The following RAD17 variants were observed in gnomAD, a reference collection of about 807,000 sequenced individuals.
RAD17 encodes cell cycle checkpoint protein RAD17.
A neutral mutation model predicts 81.5 loss-of-function variants in RAD17; 31 were observed. That is an observed-to-expected ratio of 0.38 (90% confidence interval 0.29 to 0.51). The LOEUF (loss-of-function observed/expected upper bound fraction) is 0.51. Ranked by LOEUF, RAD17 falls within the 20% of genes least tolerant of loss-of-function variation. The pLI is 0.88. For synonymous variants in RAD17, 261 were observed against 266.2 expected (o/e 0.98, Z 0.19); for missense variants, 681 against 781.2 (o/e 0.87, Z 1.53).
chr5:69,389,453 T>G (rs1764411056), intron 12 of RAD17, among the ~76,000 whole-genome samples: 1 of 152,200 alleles, frequency 6.6e-6, no homozygotes, highest in African/African-American at 2.4e-5. Flanking sequence ...CAGGTGACTC[T>G]TATCTTTCTG....
rs148833478 is a variant in RAD17 at position 69,380,055 on chromosome 5, ATTT to A, written c.352-1843_352-1841del. On this transcript the variant is annotated intron_variant, in intron 6 of 18. Coordinates refer to ENST00000354868, the MANE Select transcript of RAD17 (RefSeq NM_133338.3). ...ACCACCACGCCCGGGTAGTTCTTGT[ATTT>A]TTAGTAGAGATGGGGTTTCTCCATG... Among the ~76,000 whole-genome samples, 943 of 151,820 alleles carry A rather than the reference ATTT, an allele frequency of 6.2e-3. 7 individuals are homozygous for A. The highest frequency in any genetic ancestry group is 0.022 in the African/African-American group (892 of 41,364).
At chr5:69,385,726 T>C (rs1764170637) in intron 8 of RAD17, among the ~76,000 whole-genome samples, 1 of 152,202 alleles carries the variant, frequency 6.6e-6, no homozygotes, top group Non-Finnish European at 1.5e-5. Context: ...TAAACTTGAA[T>C]GGAATAGCTG....
intron 12 of RAD17, 117 bp from the exon 13 acceptor site, chr5:69,391,710 TTTTG>T (rs1304006653): frequency 5.1e-6 from 4 of 779,020 alleles, no homozygotes; most frequent in Non-Finnish European, 5.6e-6. Context: ...CATTTATAAT[TTTTG>T]TTTATTAGGA....
In RAD17 at chr5:69,372,166, GC is replaced by G. The variant is rs1561231498; in HGVS notation, c.-41del. ...ACTCTCAAAAATATAGAGGAAAGGGGCCAAGATTATAGTACCAGTCACAATC... is the reference window on the plus strand; with the variant it reads ...ACTCTCAAAAATATAGAGGAAAGGGGCAAGATTATAGTACCAGTCACAATC... On this transcript the variant is annotated 5_prime_UTR_variant, in exon 4 of 19. Coordinates refer to ENST00000354868, the MANE Select transcript of RAD17 (RefSeq NM_133338.3). The G allele has an allele frequency of 6.3e-7, 1 of 1,599,778 alleles. No homozygotes were observed. Among genetic ancestry groups the G allele is most frequent in the Non-Finnish European group, 8.5e-7 (1 of 1,170,932 alleles).
chr5:69,378,300 A>G (rs928018970), intron 6 of RAD17, among the ~76,000 whole-genome samples: 5 of 152,206 alleles, frequency 3.3e-5, no homozygotes, highest in Admixed American at 3.3e-4. Flanking sequence ...AAATTCAGTA[A>G]AACTCTGTTA....
chr5:69,414,670 CTG>C lies in RAD17; in HGVS notation c.*383_*384del, dbSNP rs1156615233. 1.6e-5 allele frequency: 4 copies of C among 246,856 alleles called. No individual in the cohort carries two copies. Among genetic ancestry groups the C allele is most frequent in the South Asian group, 6.8e-5 (1 of 14,680 alleles). The allele number at this position is 246,856 out of a possible 1,614,324, so 15.3% of individuals were successfully genotyped here. A position where few individuals can be genotyped will look rare whatever the true frequency, so the allele number is the denominator to read the frequency against. ...TTTAGGATGCAATTACGAGTGTAAA[CTG>C]TGTGCCTTATTTACACTTTATTGTC... On this transcript the variant is annotated 3_prime_UTR_variant, in exon 19 of 19. Coordinates refer to ENST00000354868, the MANE Select transcript of RAD17 (RefSeq NM_133338.3).
intron 17 of RAD17, among the ~76,000 whole-genome samples, chr5:69,400,625 T>TG (rs1339192144): frequency 2.5e-5 from 1 of 39,586 alleles, no homozygotes; most frequent in Non-Finnish European, 1.2e-4. Context: ...GGATCCTTTA[T>TG]GTTTTTTTTT....
At chr5:69,377,959 AT>A (rs1200904539) in intron 6 of RAD17, among the ~76,000 whole-genome samples, 1 of 151,678 alleles carries the variant, frequency 6.6e-6, no homozygotes, top group Non-Finnish European at 1.5e-5. Flanking sequence ...CATCTGGCTA[AT>A]TAAAAAAAAA....
Position 69,391,885 on chromosome 5 carries a change from T to C in RAD17, c.1061T>C (p.Val354Ala). Reference protein sequence around the residue: ...KKGMSLKSDAVLSKSKRRKKP... With the variant: ...KKGMSLKSDAALSKSKRRKKP... ...GGAATGTCTTTAAAATCAGATGCTG[T>C]GCTGTCAAAATCAAAACGAAGAAAA... Residue 354 changes from valine to alanine, a missense_variant, in exon 13 of 19, where the codon GTG (valine) becomes GCG (alanine). By Grantham distance (64) the Val-to-Ala change is moderately conservative. Coordinates refer to ENST00000354868, the MANE Select transcript of RAD17 (RefSeq NM_133338.3). 1 of 1,595,190 alleles carries C rather than the reference T, an allele frequency of 6.3e-7. No homozygotes were observed. The highest frequency in any genetic ancestry group is 8.5e-7 in the Non-Finnish European group (1 of 1,174,136).
intron 17 of RAD17, among the ~76,000 whole-genome samples, chr5:69,403,025 G>C (rs1020397257): frequency 1.3e-5 from 2 of 152,116 alleles, no homozygotes; most frequent in Non-Finnish European, 2.9e-5. Flanking sequence ...AATTAATAGA[G>C]ATGGGATCTC....
Position 69,410,530 on chromosome 5 carries a change from T to C in RAD17, c.1731T>C (p.Pro577=), listed in dbSNP as rs1467846625. The change falls in exon 18 of 19, where the codon CCT becomes CCC. Residue 577 remains proline, a synonymous_variant. Coordinates refer to ENST00000354868, the MANE Select transcript of RAD17 (RefSeq NM_133338.3). ...TTATCCAAGATATTGGAAGGCTCCC[T>C]CTGAAGCGACACTTTGGAAGGTAAG... ...ISFIQDIGRL[P]LKRHFGRLKM... 1.2e-6 allele frequency: 2 copies of C among 1,613,318 alleles called. No individual in the cohort carries two copies. Among genetic ancestry groups the C allele is most frequent in the South Asian group, 1.1e-5 (1 of 91,030 alleles).
chr5:69,394,325 A>G (rs765126150), intron 15 of RAD17, among the ~76,000 whole-genome samples: 3 of 150,198 alleles, frequency 2.0e-5, no homozygotes, highest in South Asian at 2.1e-4. Flanking sequence ...GCCTCTCAAA[A>G]GTGCTGGGAT....
chr5:69,408,638 G>A (rs1476251978), intron 17 of RAD17, among the ~76,000 whole-genome samples: 1 of 150,886 alleles, frequency 6.6e-6, no homozygotes, highest in Non-Finnish European at 1.5e-5. Context: ...AGCCTCCTGA[G>A]TAGCTGGGAC....
upstream of RAD17, chr5:69,369,735 C>T (rs1392455741): frequency 1.3e-6 from 2 of 1,539,824 alleles, no homozygotes; most frequent in South Asian, 1.2e-5. Context: ...TCAGGCAGTG[C>T]GCTGGATGCC....
chr5:69,382,898 C>A (rs139385637), intron 7 of RAD17, among the ~76,000 whole-genome samples: 6 of 152,204 alleles, frequency 3.9e-5, no homozygotes, highest in Middle Eastern at 3.4e-3. Flanking sequence ...ATTCTCATGC[C>A]TCAGCCTCCT....
chr5:69,393,851 G>A (rs1045332619), intron 15 of RAD17, among the ~76,000 whole-genome samples: 6 of 149,956 alleles, frequency 4.0e-5, no homozygotes, highest in East Asian at 1.9e-4. Flanking sequence ...GATTACAAGC[G>A]TGAGCCACCA....
At chr5:69,399,112 A>AT (rs1288726064) in intron 16 of RAD17, among the ~76,000 whole-genome samples, 1 of 151,766 alleles carries the variant, frequency 6.6e-6, no homozygotes, top group Non-Finnish European at 1.5e-5. Flanking sequence ...AAAAGGAAAA[A>AT]TTTTTTTTGT....
At chr5:69,379,287 T>C (rs1174682007) in intron 6 of RAD17, among the ~76,000 whole-genome samples, 1 of 151,958 alleles carries the variant, frequency 6.6e-6, no homozygotes, top group African/African-American at 2.4e-5. Flanking sequence ...ATAAAAAAAA[T>C]GCTAGTATAC....
In RAD17 at chr5:69,384,893, G is replaced by C; in HGVS notation, c.605G>C (p.Gly202Ala). 6.2e-7 allele frequency: 1 copy of C among 1,612,256 alleles called. No homozygotes were observed. The highest frequency in any genetic ancestry group is 8.5e-7 in the Non-Finnish European group (1 of 1,178,992). ...AAGTATAACAAGTTACAAATGCTTGGAGATGATCTGAGAACTGATAAGAAG... is the reference window on the plus strand; with the variant it reads ...AAGTATAACAAGTTACAAATGCTTGCAGATGATCTGAGAACTGATAAGAAG... ...ATKYNKLQML[G>A]DDLRTDKKII... The change falls in exon 8 of 19, where the codon GGA (glycine) becomes GCA (alanine). Residue 202 changes from glycine to alanine, a missense_variant. Transcript: ENST00000354868.
Sources: gnomAD v4.1 joint callset for allele counts (sites outside exome capture counted in the v4.1 genomes callset) on GRCh38, gnomAD v4.1.1 for gene constraint, MANE v1.5 for transcripts, NCBI Gene and HGNC (gene_info 2026-07-23, HGNC 2026-07-21) for gene names.